Variants in PKHD1 observed in about 807,000 individuals in gnomAD.
PKHD1 encodes the protein fibrocystin.
Under a neutral mutation model 412.0 loss-of-function variants are expected in PKHD1, and 291 were observed. The observed-to-expected ratio is 0.71, with a 90% confidence interval of 0.64 to 0.78. The LOEUF (loss-of-function observed/expected upper bound fraction) is 0.78. Ranked by LOEUF, PKHD1 falls within the 30% of genes least tolerant of loss-of-function variation. PKHD1 has a pLI of 0.00. For synonymous variants in PKHD1, 1,777 were observed against 1,821.5 expected (o/e 0.98, Z 0.62); for missense variants, 4,825 against 4,950.7 (o/e 0.97, Z 0.76).
chr6:51,777,442 T>C (rs1385282098), intron 53 of PKHD1, among the ~76,000 whole-genome samples: 1 of 152,076 alleles, frequency 6.6e-6, no homozygotes, highest in East Asian at 1.9e-4. Flanking sequence ...TCCAATAATA[T>C]GCAAAGGTGT....
At chr6:51,860,002 T>C (rs1298669320) in intron 48 of PKHD1, among the ~76,000 whole-genome samples, 1 of 152,264 alleles carries the variant, frequency 6.6e-6, no homozygotes, top group Non-Finnish European at 1.5e-5. Flanking sequence ...TTCTCCTTCA[T>C]GCACTGCTCA....
In PKHD1 at chr6:51,659,216, C is replaced by T. The variant is rs371329493; in HGVS notation, c.10910G>A (p.Arg3637His). 9.9e-5 allele frequency: 160 copies of T among 1,613,662 alleles called. No individual in the cohort carries two copies. The highest frequency in any genetic ancestry group is 1.7e-4 in the African/African-American group (13 of 74,876). ...CTSHYRRVGQ[R>H]RPLMMEMNSH... ...GTTCATTTCCATCATGAGAGGCCTA[C>T]GTTGACCAACTCTTCTATAATGACT... is the stretch of plus-strand genomic sequence containing the variant. Residue 3637 changes from arginine to histidine, a missense_variant, in exon 61 of 67, where the codon CGT (arginine) becomes CAT (histidine). Arg to His is a conservative substitution (Grantham distance 29, BLOSUM62 0). Transcript: ENST00000371117.
intron 37 of PKHD1, among the ~76,000 whole-genome samples, chr6:51,928,115 G>A (rs750589597): frequency 1.3e-5 from 2 of 152,256 alleles, no homozygotes; most frequent in African/African-American, 2.4e-5. Flanking sequence ...CTGACAATAT[G>A]AAATAAGAAG....
chr6:51,838,757 C>A (rs1196178071), intron 50 of PKHD1, among the ~76,000 whole-genome samples: 1 of 152,172 alleles, frequency 6.6e-6, no homozygotes, highest in African/African-American at 2.4e-5. Context: ...AGCCCAACAG[C>A]CTGAATCTGA....
intron 52 of PKHD1, among the ~76,000 whole-genome samples, chr6:51,815,131 G>T (rs1314814516): frequency 6.6e-6 from 1 of 152,058 alleles, no homozygotes; most frequent in Non-Finnish European, 1.5e-5. Flanking sequence ...CAAAAGTCCT[G>T]GAAATACTTT....
At chr6:51,846,149 T>C (rs563698098) in intron 50 of PKHD1, among the ~76,000 whole-genome samples, 2 of 152,352 alleles carry the variant, frequency 1.3e-5, no homozygotes, top group African/African-American at 4.8e-5. Flanking sequence ...AAAATTTGAA[T>C]GGTATAATTC....
intron 47 of PKHD1, among the ~76,000 whole-genome samples, chr6:51,869,763 A>T (rs919446298): frequency 6.1e-5 from 9 of 147,912 alleles, no homozygotes; most frequent in African/African-American, 2.2e-4. Flanking sequence ...AATAAAAACA[A>T]TCTTTCATTC....
intron 34 of PKHD1, among the ~76,000 whole-genome samples, chr6:52,014,604 G>A (rs1800238483): frequency 6.6e-6 from 1 of 151,894 alleles, no homozygotes; most frequent in Non-Finnish European, 1.5e-5. Context: ...TGGGTGGATG[G>A]ATGGATGAAT....
intron 36 of PKHD1, among the ~76,000 whole-genome samples, chr6:51,942,158 T>A (rs1788694778): frequency 6.6e-6 from 1 of 151,528 alleles, no homozygotes; most frequent in African/African-American, 2.4e-5. Flanking sequence ...TCCCCACTCC[T>A]CTTTCCATTC....
chr6:51,852,732 G>GT (rs61529648), intron 49 of PKHD1, among the ~76,000 whole-genome samples: 1,813 of 144,398 alleles, frequency 0.013, 23 homozygotes, highest in African/African-American at 0.036. Context: ...TGCAAACCCT[G>GT]TTTTTTTTTT....
At chr6:51,907,960 A>C (rs1368905186) in intron 40 of PKHD1, among the ~76,000 whole-genome samples, 2 of 152,152 alleles carry the variant, frequency 1.3e-5, no homozygotes, top group Non-Finnish European at 2.9e-5. Context: ...CAGAGGTGGG[A>C]GAGATAGGTT....
chr6:51,955,108 C>T (rs1435674868), intron 36 of PKHD1, among the ~76,000 whole-genome samples: 3 of 151,974 alleles, frequency 2.0e-5, no homozygotes, highest in African/African-American at 7.2e-5. Flanking sequence ...TTAACTAAAT[C>T]AAGGCAATAT....
At position 51,670,065 on chromosome 6, in the gene PKHD1, G is replaced by T. The variant is rs150311291; in HGVS notation, c.10157-10096C>A. 4.1e-4 allele frequency among the ~76,000 whole-genome samples: 58 copies of T among 142,028 alleles called. 1 individual carries two copies. The highest frequency in any genetic ancestry group is 4.1e-3 in the Admixed American group (58 of 14,256). 93.2% of individuals were successfully genotyped at this position (142,028 alleles called of 152,430 possible). ...AGTTCTGTAGATGTCTACTAGGTCT[G>T]CTTGGTGCAGAGCTGAGTTCAATTC... On this transcript the variant is annotated intron_variant, in intron 60 of 66. Transcript: ENST00000371117.
At chr6:51,661,435 AT>A (rs1377594544) in intron 60 of PKHD1, among the ~76,000 whole-genome samples, 2 of 152,112 alleles carry the variant, frequency 1.3e-5, no homozygotes, top group Non-Finnish European at 2.9e-5. Flanking sequence ...TTATGAAGGC[AT>A]ATTAAAATTG....
chr6:51,707,952 G>C (rs192369073), intron 60 of PKHD1, among the ~76,000 whole-genome samples: 162 of 152,040 alleles, frequency 1.1e-3, no homozygotes, highest in African/African-American at 3.7e-3. Flanking sequence ...AACATTGGGG[G>C]GCTCTTATTC....
chr6:51,632,488 C>T (rs1374117136), intron 65 of PKHD1, 77 bp downstream of exon 65: 8 of 1,251,274 alleles, frequency 6.4e-6, no homozygotes, highest in Non-Finnish European at 9.1e-6. Flanking sequence ...GGGAAAGAAA[C>T]AGAATCATTA....
chr6:51,763,892 A>AC (rs1297420272), intron 55 of PKHD1, among the ~76,000 whole-genome samples: 2 of 151,642 alleles, frequency 1.3e-5, no homozygotes, highest in South Asian at 2.1e-4. Flanking sequence ...TATCCATACT[A>AC]CCCCCTTAAA....
intron 60 of PKHD1, among the ~76,000 whole-genome samples, chr6:51,742,594 T>TG (rs1285870378): frequency 6.6e-6 from 1 of 152,162 alleles, no homozygotes; most frequent in East Asian, 1.9e-4. Flanking sequence ...TGCTCTTGGA[T>TG]GACGTGTAAC....
chr6:51,977,998 G>A (rs1794676498), intron 35 of PKHD1, among the ~76,000 whole-genome samples: 1 of 152,166 alleles, frequency 6.6e-6, no homozygotes, highest in Non-Finnish European at 1.5e-5. Context: ...GCAAAAAAAT[G>A]GGCCAGCCAT....
Sources: allele counts gnomAD v4.1 joint callset (sites outside exome capture counted in the v4.1 genomes callset), GRCh38; gene constraint gnomAD v4.1.1; transcripts MANE v1.5; gene names NCBI Gene and HGNC (gene_info 2026-07-23, HGNC 2026-07-21).